The following LIN37 variants were observed in gnomAD, a reference collection of about 807,000 sequenced individuals.
LIN37 encodes the protein lin-37 DREAM MuvB core complex component.
In LIN37, 21 loss-of-function variants were observed where a neutral mutation model predicts 38.0. That is an observed-to-expected ratio of 0.55 (90% CI 0.39 to 0.80). The LOEUF (loss-of-function observed/expected upper bound fraction) is 0.80, where lower values mean the gene tolerates loss of function less well. LIN37 is among the 30% of genes least tolerant of loss of function. LIN37 has a pLI of 0.00. For synonymous variants in LIN37, 126 were observed against 122.9 expected, an observed-to-expected ratio of 1.03 and a Z score of -0.17; for missense variants, 273 against 338.5, an observed-to-expected ratio of 0.81 and a Z score of 1.52.
Position 35,754,084 on chromosome 19 carries a change from C to T in LIN37, c.512C>T (p.Pro171Leu), listed in dbSNP as rs1160534364. Reference sequence around the variant, plus strand: ...CTGCCGCCACCCACACCCCCGGGGCCACCCGGAGATGCCTGCAGATCCCGC... The same window carrying T: ...CTGCCGCCACCCACACCCCCGGGGCTACCCGGAGATGCCTGCAGATCCCGC... ...YKLPPPTPPGPPGDACRSRIP... is the reference protein window; with the variant it reads ...YKLPPPTPPGLPGDACRSRIP... Residue 171 changes from proline (P) to leucine (L), a missense_variant, in exon 7 of 9, where the codon CCA becomes CTA. Pro to Leu is a moderately conservative substitution (Grantham distance 98, BLOSUM62 -3). Transcript: ENST00000301159. 6.2e-7 allele frequency: 1 copy of T among 1,613,840 alleles called. No homozygotes were observed. Among genetic ancestry groups the T allele is most frequent in the African/African-American group, 1.3e-5 (1 of 74,924 alleles).
chr19:35,749,637 T>C (rs1053298923), intron 1 of LIN37, among the ~76,000 whole-genome samples: 5 of 75,520 alleles, frequency 6.6e-5, no homozygotes, highest in Non-Finnish European at 1.3e-4. Flanking sequence ...CTATAAAAAA[T>C]ACAAAAAAAA....
At chr19:35,751,457 A>T (rs1290093756) in intron 1 of LIN37, among the ~76,000 whole-genome samples, 2 of 152,214 alleles carry the variant, frequency 1.3e-5, no homozygotes, top group African/African-American at 2.4e-5. Flanking sequence ...TCAGCTCTGC[A>T]ATTTCTTTGC....
chr19:35,753,219 G>A lies in LIN37; in HGVS notation c.410G>A (p.Ser137Asn). Reference sequence around the variant, plus strand: ...GTGCGCGAGCGTGAATGCTCTCCCAGCTCACCCCTGCCCCCGCTGCCTGAG... The same window carrying A: ...GTGCGCGAGCGTGAATGCTCTCCCAACTCACCCCTGCCCCCGCTGCCTGAG... ...PSVRERECSP[S>N]SPLPPLPEDE... The change falls in exon 6 of 9, where the codon AGC becomes AAC. Residue 137 changes from serine to asparagine, a missense_variant. Coordinates refer to ENST00000301159, the MANE Select transcript of LIN37 (RefSeq NM_019104.3). 1 of 1,557,400 alleles carries A rather than the reference G, an allele frequency of 6.4e-7. No homozygotes were observed.
intron 1 of LIN37, among the ~76,000 whole-genome samples, chr19:35,749,816 A>G (rs113007361): frequency 2.2e-5 from 2 of 91,962 alleles, no homozygotes; most frequent in African/African-American, 6.9e-5. Context: ...AAAAAAAAAA[A>G]AAAGAAAGGA....
intron 7 of LIN37, 42 bp downstream of exon 7, chr19:35,754,199 G>GT: frequency 6.2e-7 from 1 of 1,613,964 alleles, no homozygotes; most frequent in Non-Finnish European, 8.5e-7. Context: ...GGCACATGCG[G>GT]TAGGGCTCAG....
chr19:35,752,087 A>C, intron 1 of LIN37, 89 bp from the exon 2 acceptor site: 2 of 968,342 alleles, frequency 2.1e-6, no homozygotes, highest in South Asian at 2.8e-5. Flanking sequence ...GCCAGGGCAG[A>C]GGACACGCAC....
chr19:35,749,883 A>C (rs1051220922), intron 1 of LIN37, among the ~76,000 whole-genome samples: 5 of 151,918 alleles, frequency 3.3e-5, no homozygotes, highest in Non-Finnish European at 5.9e-5. Flanking sequence ...TGGTGAGGGA[A>C]GGTGTACACC....
chr19:35,748,875 G>T, intron 1 of LIN37, 117 bp downstream of exon 1: 1 of 1,594,470 alleles, frequency 6.3e-7, no homozygotes, highest in South Asian at 1.1e-5. Context: ...AAGCCCACCT[G>T]ACAATCGCTG....
At chr19:35,748,944 G>T in intron 1 of LIN37, 186 bp downstream of exon 1, 1 of 1,475,924 alleles carries the variant, frequency 6.8e-7, no homozygotes, top group Non-Finnish European at 9.0e-7. Context: ...GCTTGAAGTC[G>T]CTTTGAGATT....
intron 1 of LIN37, among the ~76,000 whole-genome samples, chr19:35,749,856 G>A (rs932715679): frequency 1.3e-5 from 2 of 151,762 alleles, no homozygotes; most frequent in Non-Finnish European, 2.9e-5. Flanking sequence ...AAGAGAAGTG[G>A]GTGTGACCAC....
At chr19:35,749,678 G>A (rs1282160160) in intron 1 of LIN37, among the ~76,000 whole-genome samples, 1 of 150,774 alleles carries the variant, frequency 6.6e-6, no homozygotes, top group African/African-American at 2.4e-5. Context: ...GGTGGCACAA[G>A]CCTGTAGTCC....
rs1189275522 is a variant in LIN37 at position 35,753,138 on chromosome 19, G to A, written c.329G>A (p.Ser110Asn). Residue 110 changes from serine to asparagine, a missense_variant, in exon 6 of 9, where the codon AGC becomes AAC. Coordinates refer to ENST00000301159, the MANE Select transcript of LIN37 (RefSeq NM_019104.3). ...FDRSVDLAQF[S>N]ENTPLYPICR... ...CGGAGCGTGGACTTGGCCCAGTTCA[G>A]CGAGAACACGCCACTGTACCCAATC... 3 of 1,601,440 alleles carry A rather than the reference G, an allele frequency of 1.9e-6. No individual in the cohort carries two copies. In the Admixed American group the frequency reaches 5.1e-5, roughly 27 times the overall value.
intron 1 of LIN37, among the ~76,000 whole-genome samples, chr19:35,749,321 TAGA>T (rs1336385679): frequency 1.3e-5 from 2 of 152,060 alleles, no homozygotes; most frequent in Non-Finnish European, 2.9e-5. Context: ...CCAGTAATCC[TAGA>T]AAATAGGAAC....
rs1038582164 is a variant in LIN37, at chr19:35,752,588, C to G, written c.161+104C>G. 3.8e-6 allele frequency: 5 copies of G among 1,330,256 alleles called. No individual in the cohort carries two copies. The East Asian group carries it at 1.2e-4, about 32-fold the overall frequency. 82.4% of individuals were successfully genotyped at this position (1,330,256 alleles called of 1,614,324 possible). A position where few individuals can be genotyped will look rare whatever the true frequency, so the allele number is the denominator to read the frequency against. On this transcript the variant is annotated intron_variant, in intron 3 of 8. Coordinates refer to ENST00000301159, the MANE Select transcript of LIN37 (RefSeq NM_019104.3). ...GCCCAGCGCTACCTCCATCGTGGCC[C>G]GGACCACTCCACCTGTACAAAGACC...
At chr19:35,748,780 G>A (rs1568401369) in intron 1 of LIN37, 22 bp downstream of exon 1, 5 of 1,613,706 alleles carry the variant, frequency 3.1e-6, no homozygotes, top group Non-Finnish European at 2.5e-6. Flanking sequence ...GACGTCGGGG[G>A]CCTGTCGGGA....
At chr19:35,751,734 T>C (rs1970682478) in intron 1 of LIN37, among the ~76,000 whole-genome samples, 1 of 152,120 alleles carries the variant, frequency 6.6e-6, no homozygotes, top group Admixed American at 6.5e-5. Flanking sequence ...TTGTAATATA[T>C]AGCATATTTA....
intron 1 of LIN37, among the ~76,000 whole-genome samples, chr19:35,749,282 G>A (rs1347919075): frequency 6.6e-6 from 1 of 151,998 alleles, no homozygotes; most frequent in Non-Finnish European, 1.5e-5. Flanking sequence ...TGAAGTACAG[G>A]CACTCTTAAT....
intron 1 of LIN37, among the ~76,000 whole-genome samples, chr19:35,750,281 T>C (rs947499361): frequency 1.3e-5 from 2 of 152,092 alleles, no homozygotes; most frequent in African/African-American, 4.8e-5. Flanking sequence ...AGGCTGGGCC[T>C]GAGGAGAGTT....
At position 35,754,506 on chromosome 19, in the gene LIN37, C is replaced by G. The variant is rs760026867; in HGVS notation, c.*32C>G. On this transcript the variant is annotated 3_prime_UTR_variant, in exon 9 of 9. Transcript: ENST00000301159. ...CAGGTCCCCCCACACCAGTAAACATCCCCCAGCTCCACACTGGTGTCTGCT... is the reference window on the plus strand; with the variant it reads ...CAGGTCCCCCCACACCAGTAAACATGCCCCAGCTCCACACTGGTGTCTGCT... The G allele has an allele frequency of 1.9e-6, 3 of 1,591,800 alleles. No homozygotes were observed. Among genetic ancestry groups the G allele is most frequent in the Non-Finnish European group, 1.7e-6 (2 of 1,160,046 alleles).
Sources: allele counts gnomAD v4.1 joint callset (sites outside exome capture counted in the v4.1 genomes callset), GRCh38; gene constraint gnomAD v4.1.1; transcripts MANE v1.5; gene names NCBI Gene and HGNC (gene_info 2026-07-23, HGNC 2026-07-21).